Variants in PIGU observed in about 807,000 individuals in gnomAD.
PIGU encodes GPI-anchor transamidase component PIGU.
A neutral mutation model predicts 49.9 loss-of-function variants in PIGU; 24 were observed. That is an observed-to-expected ratio of 0.48 (90% CI 0.35 to 0.68). PIGU has a LOEUF of 0.68. PIGU is among the 30% of genes least tolerant of loss of function. The pLI, the probability that PIGU is intolerant of heterozygous loss-of-function variation, is 0.01. For synonymous variants in PIGU, 220 were observed against 205.7 expected (o/e 1.07, Z -0.59); for missense variants, 490 against 532.6 (o/e 0.92, Z 0.79).
chr20:34,634,841 T>C lies in PIGU; in HGVS notation c.429-126A>G, dbSNP rs562548625. On this transcript the variant is annotated intron_variant, in intron 5 of 11. Transcript: ENST00000217446. The stretch of plus-strand genomic sequence containing the variant: ...AGGAAGGCAGCTTCTCAGAAATGAG[T>C]TCCCCCAAATAAAAGAGAATAGAGT... The C allele has an allele frequency of 1.4e-3, 2,029 of 1,420,298 alleles. 1 individual carries two copies. The highest frequency in any genetic ancestry group is 1.8e-3 in the Non-Finnish European group (1,913 of 1,078,618). The allele number at this position is 1,420,298 out of a possible 1,614,324, so 88.0% of individuals were successfully genotyped here. A position where few individuals can be genotyped will look rare whatever the true frequency, so the allele number is the denominator to read the frequency against.
intron 7 of PIGU, among the ~76,000 whole-genome samples, chr20:34,606,571 C>CA (rs1238465154): frequency 6.6e-6 from 1 of 152,104 alleles, no homozygotes; most frequent in East Asian, 1.9e-4. Context: ...TCCCTAAAAC[C>CA]AAAACTCAGA....
chr20:34,609,579 T>G (rs1426808910), intron 7 of PIGU, among the ~76,000 whole-genome samples: 6 of 152,048 alleles, frequency 3.9e-5, no homozygotes. Flanking sequence ...TGGCCAGGCT[T>G]GTCTCGAACT....
chr20:34,615,246 A>G (rs1325056061), intron 7 of PIGU, among the ~76,000 whole-genome samples: 1 of 152,240 alleles, frequency 6.6e-6, no homozygotes, highest in Non-Finnish European at 1.5e-5. Flanking sequence ...GGTGCCTGAC[A>G]TGTAATCCAT....
intron 7 of PIGU, among the ~76,000 whole-genome samples, chr20:34,608,370 A>G (rs1984694131): frequency 6.6e-6 from 1 of 152,214 alleles, no homozygotes; most frequent in South Asian, 2.1e-4. Context: ...CACCGTGCCC[A>G]GCCAAACACA....
intron 2 of PIGU, 89 bp downstream of exon 2, chr20:34,657,091 T>A (rs1986726704): frequency 9.8e-6 from 10 of 1,019,538 alleles, no homozygotes; most frequent in Non-Finnish European, 1.5e-5. Flanking sequence ...TACATCTTTT[T>A]AAATGTTTGT....
chr20:34,632,408 G>A (rs955786656), intron 6 of PIGU, among the ~76,000 whole-genome samples: 13 of 146,662 alleles, frequency 8.9e-5, no homozygotes, highest in Middle Eastern at 3.5e-3. Context: ...TCACTCTGTC[G>A]CCCATGCTGG....
intron 11 of PIGU, among the ~76,000 whole-genome samples, chr20:34,569,171 C>CCCA (rs1982900998): frequency 1.3e-5 from 2 of 151,454 alleles, no homozygotes; most frequent in South Asian, 4.2e-4. Context: ...GCCACTGCAC[C>CCCA]CCAGCCTGGG....
intron 7 of PIGU, among the ~76,000 whole-genome samples, chr20:34,601,114 A>G (rs1203081487): frequency 1.3e-5 from 2 of 151,962 alleles, no homozygotes; most frequent in African/African-American, 4.8e-5. Context: ...ACTCTTTGCA[A>G]ATCCCATTAG....
chr20:34,620,091 C>T (rs1467029642), intron 6 of PIGU, among the ~76,000 whole-genome samples: 1 of 152,154 alleles, frequency 6.6e-6, no homozygotes, highest in African/African-American at 2.4e-5. Context: ...ACCAAAGGAA[C>T]CTTCTAAAAC....
At chr20:34,586,990 T>C (rs1410972010) in intron 8 of PIGU, among the ~76,000 whole-genome samples, 2 of 152,118 alleles carry the variant, frequency 1.3e-5, no homozygotes, top group Non-Finnish European at 2.9e-5. Context: ...CGTAAATAAC[T>C]CCCACAAGCT....
intron 11 of PIGU, among the ~76,000 whole-genome samples, chr20:34,563,516 A>G (rs1368337980): frequency 1.3e-5 from 2 of 151,898 alleles, no homozygotes; most frequent in African/African-American, 4.8e-5. Context: ...GCGCCATTGC[A>G]CTCCAGCCTA....
Position 34,575,326 on chromosome 20 carries a change from G to C in PIGU, c.1052-80C>G. 6 of 1,525,634 alleles carry C rather than the reference G, an allele frequency of 3.9e-6. 1 individual carries two copies. The South Asian group carries it at 7.4e-5, about 19-fold the overall frequency. 94.5% of individuals were successfully genotyped at this position (1,525,634 alleles called of 1,614,324 possible). A position where few individuals can be genotyped will look rare whatever the true frequency, so the allele number is the denominator to read the frequency against. ...CCTGCTGCAATGGCCCCCCTGAATG[G>C]AGAGGCCCAAGGTGAGCATCATGTA... On this transcript the variant is annotated intron_variant, in intron 10 of 11. Coordinates refer to ENST00000217446, the MANE Select transcript of PIGU (RefSeq NM_080476.5).
Position 34,637,886 on chromosome 20 carries a change from C to G in PIGU, c.418G>C (p.Val140Leu). ...TCAGGGAATACTTACAACAGGGCCA[C>G]TTTCAAAGGGATGTAACGCATTTCC... ...PMEMRYIPLK[V>L]ALFYLLNPYT... Residue 140 changes from valine to leucine, a missense_variant, in exon 5 of 12, where the codon GTG becomes CTG. Coordinates refer to ENST00000217446, the MANE Select transcript of PIGU (RefSeq NM_080476.5). 6.2e-7 allele frequency: 1 copy of G among 1,610,564 alleles called. No homozygotes were observed. The highest frequency in any genetic ancestry group is 8.5e-7 in the Non-Finnish European group (1 of 1,178,648).
chr20:34,653,987 A>G (rs1162334846), intron 2 of PIGU, among the ~76,000 whole-genome samples: 1 of 151,142 alleles, frequency 6.6e-6, no homozygotes, highest in African/African-American at 2.4e-5. Context: ...CCTCCTGAGT[A>G]GCTGGGACTA....
intron 6 of PIGU, among the ~76,000 whole-genome samples, chr20:34,626,274 AAATG>A (rs1985485008): frequency 6.6e-6 from 1 of 151,570 alleles, no homozygotes; most frequent in South Asian, 2.1e-4. Flanking sequence ...TTAGAAAAAT[AAATG>A]AATAAAATTT....
intron 11 of PIGU, among the ~76,000 whole-genome samples, chr20:34,572,741 G>C (rs185013350): frequency 1.4e-4 from 21 of 152,308 alleles, no homozygotes; most frequent in South Asian, 6.2e-4. Context: ...CAAACCACTG[G>C]ATGTTACAGA....
chr20:34,669,570 G>A (rs562792261), intron 1 of PIGU, among the ~76,000 whole-genome samples: 13 of 151,886 alleles, frequency 8.6e-5, no homozygotes, highest in African/African-American at 3.1e-4. Flanking sequence ...AGGAGGCTGA[G>A]GCAAGAGAAT....
At chr20:34,619,879 T>A (rs1985141463) in intron 6 of PIGU, among the ~76,000 whole-genome samples, 1 of 152,164 alleles carries the variant, frequency 6.6e-6, no homozygotes, top group Non-Finnish European at 1.5e-5. Context: ...GTAACTGGCA[T>A]CAACATCTAG....
At chr20:34,587,976 C>T (rs1246266791) in intron 8 of PIGU, among the ~76,000 whole-genome samples, 2 of 152,176 alleles carry the variant, frequency 1.3e-5, no homozygotes, top group African/African-American at 4.8e-5. Context: ...GACAAATCTT[C>T]AACAAACTGA....
Sources: gnomAD v4.1 joint callset for allele counts (sites outside exome capture counted in the v4.1 genomes callset) on GRCh38, gnomAD v4.1.1 for gene constraint, MANE v1.5 for transcripts, NCBI Gene and HGNC (gene_info 2026-07-23, HGNC 2026-07-21) for gene names.